Variants in CTNS observed in about 807,000 individuals in gnomAD.
CTNS encodes cystinosin.
A neutral mutation model predicts 43.7 loss-of-function variants in CTNS; 27 were observed. That is an observed-to-expected ratio of 0.62 (90% CI 0.46 to 0.85). The LOEUF (loss-of-function observed/expected upper bound fraction) is 0.85. Among genes scored for constraint, CTNS ranks in the 40% least tolerant of loss-of-function variants. The pLI, the probability that CTNS is intolerant of heterozygous loss-of-function variation, is 0.00. For synonymous variants in CTNS, 187 were observed against 190.6 expected (o/e 0.98, Z 0.16); for missense variants, 457 against 475.4 (o/e 0.96, Z 0.36).
At chr17:3,649,427 G>T (rs560891521) in intron 5 of CTNS, among the ~76,000 whole-genome samples, 1 of 150,530 alleles carries the variant, frequency 6.6e-6, no homozygotes, top group African/African-American at 2.4e-5. Context: ...ACTCCAGCCT[G>T]GGTGACAGAG....
At position 3,656,569 on chromosome 17, in the gene CTNS, T is replaced by C. The variant is rs764168489; in HGVS notation, c.544T>C (p.Trp182Arg). ...AYSVFNIGLL[W>R]VPYIKEQFLL... is the part of the protein sequence containing the mutation. Reference sequence around the variant, plus strand: ...CAGTGTATTCAACATCGGCCTCCTCTGGGTGCCCTACATCAAGGTACGGCC... The same window carrying C: ...CAGTGTATTCAACATCGGCCTCCTCCGGGTGCCCTACATCAAGGTACGGCC... The change falls in exon 8 of 12, where the codon TGG becomes CGG. Residue 182 changes from tryptophan (W) to arginine (R), a missense_variant. Coordinates refer to ENST00000046640, the MANE Select transcript of CTNS (RefSeq NM_004937.3). 6.2e-7 allele frequency: 1 copy of C among 1,611,218 alleles called. No homozygotes were observed. The highest frequency in any genetic ancestry group is 1.7e-5 in the Admixed American group (1 of 59,638).
chr17:3,661,025 AACT>A lies in CTNS; in HGVS notation c.*657_*659del, dbSNP rs1315527249. On this transcript the variant is annotated 3_prime_UTR_variant, in exon 12 of 12. Coordinates refer to ENST00000046640, the MANE Select transcript of CTNS (RefSeq NM_004937.3). ...TTCATGCCCAGCGCATTAGCATAGT[AACT>A]CCTTTCAGATTTTTTGGAGGGACGT... is the stretch of plus-strand genomic sequence containing the variant. 4.2e-6 allele frequency: 2 copies of A among 471,960 alleles called. No individual in the cohort carries two copies. Among genetic ancestry groups the A allele is most frequent in the African/African-American group, 2.0e-5 (1 of 50,988 alleles). 29.2% of individuals were successfully genotyped at this position (471,960 alleles called of 1,614,324 possible).
In CTNS at chr17:3,655,144, G is replaced by A. The variant is rs556372443; in HGVS notation, c.329+43G>A. The A allele has an allele frequency of 1.7e-5, 27 of 1,613,978 alleles. No individual in the cohort carries two copies. The Admixed American group carries it at 4.5e-4, about 27-fold the overall frequency. On this transcript the variant is annotated intron_variant, in intron 6 of 11. Coordinates refer to ENST00000046640, the MANE Select transcript of CTNS (RefSeq NM_004937.3). ...TGTGCGGGCCTCACGTGACAAGAAG[G>A]GGGCCGTGCTGGGCACGTGGGAGTC...
chr17:3,660,009 G>A (rs758283198), intron 11 of CTNS, 34 bp downstream of exon 11: 36 of 1,573,064 alleles, frequency 2.3e-5, no homozygotes, highest in African/African-American at 1.5e-4. Context: ...GCCACCCTGC[G>A]GCTGGGGCAT....
intron 9 of CTNS, chr17:3,657,021 C>T: frequency 6.3e-6 from 4 of 634,174 alleles, no homozygotes; most frequent in South Asian, 3.6e-5. Flanking sequence ...GGCTGAGAGC[C>T]GTGCACAGAG....
At chr17:3,657,899 C>G (rs960067433) in intron 9 of CTNS, 106 bp from the exon 10 acceptor site, 2 of 1,330,586 alleles carry the variant, frequency 1.5e-6, no homozygotes, top group Admixed American at 3.4e-5. Flanking sequence ...GGCCAGGGTC[C>G]AGCCTCCGTG....
In CTNS at chr17:3,656,480, C is replaced by T. The variant is rs189632527; in HGVS notation, c.462-7C>T. 1 of 1,585,614 alleles carries T rather than the reference C, an allele frequency of 6.3e-7. No individual in the cohort carries two copies. Among genetic ancestry groups the T allele is most frequent in the Admixed American group, 1.8e-5 (1 of 55,964 alleles). The stretch of plus-strand genomic sequence containing the variant: ...CCTGCCCTGTCTTGTCCCTCCACCC[C>T]CTGCAGTGTCATTGGTCTGAGCTTC... On this transcript the variant is annotated splice_polypyrimidine_tract_variant and splice_region_variant and intron_variant, in intron 7 of 11. Coordinates refer to ENST00000046640, the MANE Select transcript of CTNS (RefSeq NM_004937.3).
At chr17:3,655,400 CA>C (rs2076104964) in intron 7 of CTNS, 48 bp downstream of exon 7, 1 of 1,611,502 alleles carries the variant, frequency 6.2e-7, no homozygotes, top group Non-Finnish European at 8.5e-7. Context: ...CCCCTAGGAG[CA>C]GGGCGTTCCA....
intron 2 of CTNS, among the ~76,000 whole-genome samples, chr17:3,638,910 G>C (rs1406539542): frequency 5.9e-5 from 9 of 152,188 alleles, no homozygotes; most frequent in Admixed American, 5.9e-4. Flanking sequence ...CAGAGAGTAG[G>C]TACGGGGTCA....
intron 2 of CTNS, among the ~76,000 whole-genome samples, chr17:3,639,667 CA>C (rs3039676): frequency 0.1 from 14,530 of 141,114 alleles, 2,370 homozygotes; most frequent in African/African-American, 0.35. Flanking sequence ...GACTCTGTCT[CA>C]AAAAAAAAAA....
At chr17:3,657,964 C>T (rs747891191) in intron 9 of CTNS, 41 bp from the exon 10 acceptor site, 1 of 1,602,168 alleles carries the variant, frequency 6.2e-7, no homozygotes, top group Non-Finnish European at 8.5e-7. Context: ...CCGGCGTGGC[C>T]TCTGTGTGGG....
Position 3,662,549 on chromosome 17 carries a change from TC to T in CTNS, c.*2181del, listed in dbSNP as rs2076292553. On this transcript the variant is annotated 3_prime_UTR_variant, in exon 12 of 12. Transcript: ENST00000046640. ...TAGGCAGGGGTCTCTCCCAGGCACC[TC>T]TGGGTGTCCCTACGGCCCCTCCCAG... Among the ~76,000 whole-genome samples, 1 of 152,112 alleles carries T rather than the reference TC, an allele frequency of 6.6e-6. No homozygotes were observed. The highest frequency in any genetic ancestry group is 1.5e-5 in the Non-Finnish European group (1 of 68,006).
intron 3 of CTNS, among the ~76,000 whole-genome samples, chr17:3,643,106 A>G (rs888511252): frequency 6.6e-6 from 1 of 151,748 alleles, no homozygotes; most frequent in African/African-American, 2.4e-5. Context: ...CAAGGTCAGG[A>G]GATCGAGACT....
chr17:3,647,550 C>T, intron 4 of CTNS, 28 bp downstream of exon 4: 6 of 1,603,784 alleles, frequency 3.7e-6, no homozygotes, highest in Non-Finnish European at 5.1e-6. Flanking sequence ...GCGCTGTGCT[C>T]AGCTCCGCTC....
intron 9 of CTNS, chr17:3,657,601 T>C (rs549855776): frequency 7.9e-4 from 228 of 290,406 alleles, no homozygotes; most frequent in African/African-American, 4.8e-3. Context: ...CTCAGGCTGC[T>C]GCCGGGTCGT....
At position 3,658,057 on chromosome 17, in the gene CTNS, G is replaced by C. The variant is rs763089013; in HGVS notation, c.734G>C (p.Trp245Ser). Residue 245 changes from tryptophan to serine, a missense_variant, in exon 10 of 12, where the codon TGG becomes TCG. By Grantham distance (177) the Trp-to-Ser change is radical (BLOSUM62 -3). Transcript: ENST00000046640. ...WPAIGFLVLA[W>S]LFAFVTMIVA... The stretch of plus-strand genomic sequence containing the variant: ...GCCATCGGCTTCCTGGTGCTCGCGT[G>C]GCTCTTCGCATTTGTCACCATGATC... The C allele has an allele frequency of 2.4e-5, 39 of 1,612,048 alleles. No homozygotes were observed. Among genetic ancestry groups the C allele is most frequent in the Non-Finnish European group, 3.1e-5 (37 of 1,179,984 alleles).
chr17:3,657,484 G>T (rs2076179147), intron 9 of CTNS: 1 of 209,972 alleles, frequency 4.8e-6, no homozygotes, highest in Non-Finnish European at 9.7e-6. Flanking sequence ...CCACCCGTAT[G>T]AACCTTCTAG....
rs1238112197 is a variant in CTNS, at chr17:3,661,767, G to A, written c.*1398G>A. Among the ~76,000 whole-genome samples the A allele has an allele frequency of 1.3e-5, 2 of 152,196 alleles. No homozygotes were observed. Among genetic ancestry groups the A allele is most frequent in the African/African-American group, 2.4e-5 (1 of 41,460 alleles). On this transcript the variant is annotated 3_prime_UTR_variant, in exon 12 of 12. Transcript: ENST00000046640. Reference sequence around the variant, plus strand: ...CGTGTCTTCACGGTTACCAGGGCACGCCACTCAATCTGGATGTGAGCCGGG... The same window carrying A: ...CGTGTCTTCACGGTTACCAGGGCACACCACTCAATCTGGATGTGAGCCGGG...
intron 3 of CTNS, among the ~76,000 whole-genome samples, chr17:3,643,427 A>C (rs2150897173): frequency 6.6e-6 from 1 of 152,096 alleles, no homozygotes; most frequent in Non-Finnish European, 1.5e-5. Context: ...GAGGCCTATA[A>C]GAATTAATTT....
Sources: allele counts gnomAD v4.1 joint callset (sites outside exome capture counted in the v4.1 genomes callset), GRCh38; gene constraint gnomAD v4.1.1; transcripts MANE v1.5; gene names NCBI Gene and HGNC (gene_info 2026-07-23, HGNC 2026-07-21).